The following MCTP2 variants were observed in gnomAD, a reference collection of about 807,000 sequenced individuals.
MCTP2 encodes multiple C2 and transmembrane domain containing 2, also known as multiple C2 and transmembrane domain-containing protein 2.
MCTP2 carries 132 observed loss-of-function variants against 111.6 expected under a neutral mutation model. The observed-to-expected ratio is 1.18, with a 90% confidence interval of 1.03 to 1.37. MCTP2 has a LOEUF of 1.37. MCTP2 is among the 40% of genes most tolerant of loss of function. The probability of loss-of-function intolerance (pLI) is 0.00; values close to 1 mark genes in which losing one functional copy is unlikely to be tolerated. For missense variants in MCTP2, 1,183 were observed against 1,067.9 expected (o/e 1.11, Z -1.50); for synonymous variants, 395 against 387.7 (o/e 1.02, Z -0.22).
chr15:94,478,356 T>C (rs2074534446), intron 22 of MCTP2, among the ~76,000 whole-genome samples: 1 of 152,226 alleles, frequency 6.6e-6, no homozygotes, highest in Admixed American at 6.5e-5. Flanking sequence ...AGTAAGATCC[T>C]CCGTGTATCG....
At chr15:94,379,516 T>C (rs922450657) in intron 12 of MCTP2, among the ~76,000 whole-genome samples, 1 of 151,926 alleles carries the variant, frequency 6.6e-6, no homozygotes, top group Non-Finnish European at 1.5e-5. Flanking sequence ...AAGTGCTTTC[T>C]TCCAACTCTA....
At chr15:94,449,551 T>C (rs1441970648) in intron 19 of MCTP2, among the ~76,000 whole-genome samples, 3 of 152,218 alleles carry the variant, frequency 2.0e-5, no homozygotes, top group Non-Finnish European at 4.4e-5. Context: ...AAAGCCTCTA[T>C]GAATACAAAA....
At chr15:94,460,592 T>C (rs983657541) in intron 20 of MCTP2, among the ~76,000 whole-genome samples, 1 of 152,206 alleles carries the variant, frequency 6.6e-6, no homozygotes, top group African/African-American at 2.4e-5. Context: ...TTCTGGAACA[T>C]CTCTAAAAGA....
At chr15:94,243,732 T>C (rs56651745) in intron 1 of MCTP2, among the ~76,000 whole-genome samples, 65 of 109,040 alleles carry the variant, frequency 6.0e-4, no homozygotes, top group East Asian at 9.3e-4. Context: ...CATACATATG[T>C]GTATACATAT....
chr15:94,273,195 C>T (rs565997123), intron 1 of MCTP2, among the ~76,000 whole-genome samples: 3 of 152,292 alleles, frequency 2.0e-5, no homozygotes, highest in Non-Finnish European at 4.4e-5. Flanking sequence ...AGAAGATGAA[C>T]AAATCAAAAG....
intron 8 of MCTP2, chr15:94,355,823 A>G (rs957333570): frequency 1.5e-6 from 1 of 650,192 alleles, no homozygotes; most frequent in Non-Finnish European, 1.9e-6. Context: ...TTCCTCTCAC[A>G]CTATTAAAAT....
At chr15:94,335,808 G>T (rs1200164229) in intron 4 of MCTP2, among the ~76,000 whole-genome samples, 1 of 152,190 alleles carries the variant, frequency 6.6e-6, no homozygotes, top group Admixed American at 6.5e-5. Context: ...GAGCTCCAAG[G>T]AATGTTAATT....
At chr15:94,356,659 T>G (rs1165561968) in intron 9 of MCTP2, among the ~76,000 whole-genome samples, 2 of 152,198 alleles carry the variant, frequency 1.3e-5, no homozygotes, top group Non-Finnish European at 2.9e-5. Context: ...GCATAATACG[T>G]GATATTTGGG....
intron 1 of MCTP2, among the ~76,000 whole-genome samples, chr15:94,288,974 T>C: frequency 6.6e-6 from 1 of 152,068 alleles, no homozygotes. Context: ...GGTTATCCAA[T>C]CTGAAGAAAG....
At chr15:94,318,210 G>A (rs2076460527) in intron 4 of MCTP2, among the ~76,000 whole-genome samples, 1 of 151,628 alleles carries the variant, frequency 6.6e-6, no homozygotes, top group South Asian at 2.1e-4. Context: ...ACATTACTAG[G>A]AAGAAAATGT....
At chr15:94,381,744 C>A (rs890148138) in intron 12 of MCTP2, among the ~76,000 whole-genome samples, 10 of 152,168 alleles carry the variant, frequency 6.6e-5, no homozygotes, top group Non-Finnish European at 1.5e-4. Context: ...AGCATTAAGC[C>A]AAAAGTATGT....
intron 9 of MCTP2, among the ~76,000 whole-genome samples, chr15:94,357,712 G>A (rs999046361): frequency 6.6e-6 from 1 of 152,094 alleles, no homozygotes; most frequent in African/African-American, 2.4e-5. Context: ...TTAGTACGGG[G>A]ATTTAATACC....
At chr15:94,300,214 T>A (rs1467136085) in intron 2 of MCTP2, among the ~76,000 whole-genome samples, 1 of 152,090 alleles carries the variant, frequency 6.6e-6, no homozygotes. Context: ...CATTTAGAAC[T>A]TTTATTGTCA....
At chr15:94,340,749 T>A (rs2077592564) in intron 6 of MCTP2, 64 bp from the exon 7 acceptor site, 1 of 954,032 alleles carries the variant, frequency 1.0e-6, no homozygotes, top group Non-Finnish European at 1.6e-6. Flanking sequence ...AAGCTCCTGA[T>A]GCGTGTAGGT....
At chr15:94,291,933 AT>A (rs1330676124) in intron 1 of MCTP2, among the ~76,000 whole-genome samples, 2 of 152,228 alleles carry the variant, frequency 1.3e-5, no homozygotes, top group Admixed American at 1.3e-4. Context: ...ATGTAAACAC[AT>A]TAGTGTGGCT....
intron 14 of MCTP2, among the ~76,000 whole-genome samples, chr15:94,391,438 G>GT (rs759301860): frequency 2.0e-5 from 3 of 152,130 alleles, no homozygotes; most frequent in Non-Finnish European, 4.4e-5. Context: ...TGTTGCCAAG[G>GT]TTTGGTTTTC....
intron 17 of MCTP2, among the ~76,000 whole-genome samples, chr15:94,429,965 T>C (rs758422947): frequency 2.6e-5 from 4 of 152,204 alleles, no homozygotes; most frequent in Non-Finnish European, 5.9e-5. Flanking sequence ...TCCCTTTTTA[T>C]CTTCTCATCT....
intron 21 of MCTP2, 146 bp from the exon 22 acceptor site, chr15:94,476,550 C>A: frequency 1.9e-6 from 1 of 534,514 alleles, no homozygotes. Flanking sequence ...TCCCCTCTCC[C>A]CCGAGTCAGG....
intron 11 of MCTP2, among the ~76,000 whole-genome samples, chr15:94,368,131 C>G (rs1389533764): frequency 6.6e-6 from 1 of 152,186 alleles, no homozygotes; most frequent in Non-Finnish European, 1.5e-5. Context: ...AATATGAGTT[C>G]ACAAATAACT....
Sources: gnomAD v4.1 joint callset for allele counts (sites outside exome capture counted in the v4.1 genomes callset) on GRCh38, gnomAD v4.1.1 for gene constraint, MANE v1.5 for transcripts, NCBI Gene and HGNC (gene_info 2026-07-23, HGNC 2026-07-21) for gene names.